The following PIBF1 variants were observed in gnomAD, a reference collection of about 807,000 sequenced individuals.
PIBF1 encodes the protein progesterone immunomodulatory binding factor 1.
A neutral mutation model predicts 112.5 loss-of-function variants in PIBF1; 90 were observed. The observed-to-expected ratio is 0.80, with a 90% CI of 0.67 to 0.95. PIBF1 has a LOEUF of 0.95. Ranked by LOEUF, PIBF1 falls within the 40% of genes least tolerant of loss-of-function variation. The probability of loss-of-function intolerance (pLI) is 0.00; values close to 1 mark genes in which losing one functional copy is unlikely to be tolerated. For synonymous variants in PIBF1, 301 were observed against 288.6 expected, an observed-to-expected ratio of 1.04 and a Z score of -0.44; for missense variants, 915 against 852.3, an observed-to-expected ratio of 1.07 and a Z score of -0.92.
chr13:72,820,075 CATT>C, intron 5 of PIBF1, among the ~76,000 whole-genome samples: 1 of 152,088 alleles, frequency 6.6e-6, no homozygotes, highest in East Asian at 1.9e-4. Context: ...AAAGAGGAAG[CATT>C]ATAACAATAT....
chr13:72,826,966 G>T, intron 6 of PIBF1, 44 bp from the exon 7 acceptor site: 1 of 1,176,270 alleles, frequency 8.5e-7, no homozygotes, highest in Non-Finnish European at 1.2e-6. Context: ...CGCTGTACAA[G>T]GGGATGTAAA....
intron 12 of PIBF1, among the ~76,000 whole-genome samples, chr13:72,908,972 G>A (rs1468290830): frequency 2.6e-5 from 4 of 151,794 alleles, no homozygotes; most frequent in African/African-American, 7.3e-5. Flanking sequence ...GCTTGAACCC[G>A]GAAGGCAGAG....
At chr13:72,891,869 G>A (rs919157954) in intron 10 of PIBF1, among the ~76,000 whole-genome samples, 4 of 152,000 alleles carry the variant, frequency 2.6e-5, no homozygotes, top group Non-Finnish European at 4.4e-5. Context: ...AATGTTATTC[G>A]GTTATAAAAA....
At chr13:72,973,839 T>A (rs1325712354) in intron 16 of PIBF1, 164 bp downstream of exon 16, 3 of 533,854 alleles carry the variant, frequency 5.6e-6, no homozygotes, top group East Asian at 6.5e-5. Flanking sequence ...GATATACTTC[T>A]TAGAGTTAAT....
intron 11 of PIBF1, among the ~76,000 whole-genome samples, chr13:72,897,404 A>C (rs997578104): frequency 2.0e-5 from 3 of 152,178 alleles, no homozygotes; most frequent in East Asian, 1.9e-4. Flanking sequence ...AAAATCAAAA[A>C]CAACAACAAA....
intron 10 of PIBF1, among the ~76,000 whole-genome samples, chr13:72,888,939 C>A (rs758249950): frequency 6.6e-6 from 1 of 152,042 alleles, no homozygotes; most frequent in Non-Finnish European, 1.5e-5. Flanking sequence ...GTGACCCACA[C>A]CTGTAATCCC....
At chr13:72,947,393 A>G (rs1231617493) in intron 14 of PIBF1, among the ~76,000 whole-genome samples, 1 of 152,092 alleles carries the variant, frequency 6.6e-6, no homozygotes, top group Non-Finnish European at 1.5e-5. Flanking sequence ...TTTCTCTCCT[A>G]GGGCTCCAGG....
At chr13:72,904,429 A>ATTTTTTTT (rs1240090172) in intron 11 of PIBF1, among the ~76,000 whole-genome samples, 10 of 51,112 alleles carry the variant, frequency 2.0e-4, no homozygotes, top group Admixed American at 1.0e-3. Context: ...ATATCAAAAT[A>ATTTTTTTT]TTTCTTTTTT....
intron 8 of PIBF1, among the ~76,000 whole-genome samples, chr13:72,834,535 G>A (rs1451711509): frequency 6.6e-6 from 1 of 152,120 alleles, no homozygotes; most frequent in East Asian, 1.9e-4. Context: ...GCTGGGGCAG[G>A]AAGATGGCTT....
intron 2 of PIBF1, among the ~76,000 whole-genome samples, chr13:72,790,594 A>G (rs1369415293): frequency 6.6e-6 from 1 of 152,082 alleles, no homozygotes. Context: ...ACCTAAAGCC[A>G]TGGGATTGTA....
intron 5 of PIBF1, among the ~76,000 whole-genome samples, chr13:72,806,417 A>AAC (rs2035736833): frequency 6.6e-6 from 1 of 151,890 alleles, no homozygotes; most frequent in African/African-American, 2.4e-5. Flanking sequence ...GTACATAGGC[A>AAC]CAACGTGCAG....
chr13:72,795,320 A>G (rs779900159), intron 3 of PIBF1, 39 bp from the exon 4 acceptor site: 9 of 1,264,826 alleles, frequency 7.1e-6, no homozygotes, highest in Non-Finnish European at 6.8e-6. Context: ...GATCTCAAAT[A>G]CTTTTTTAAA....
intron 10 of PIBF1, among the ~76,000 whole-genome samples, chr13:72,892,660 A>T (rs1347514070): frequency 2.0e-5 from 3 of 152,030 alleles, no homozygotes; most frequent in Non-Finnish European, 4.4e-5. Context: ...TACCTAGTAG[A>T]TCCGTTATAA....
At chr13:72,950,440 C>T (rs1215197918) in intron 14 of PIBF1, among the ~76,000 whole-genome samples, 3 of 152,180 alleles carry the variant, frequency 2.0e-5, no homozygotes, top group Non-Finnish European at 4.4e-5. Context: ...TTACATAGTT[C>T]TTGAGGAACT....
chr13:72,990,320 G>T (rs373164143), intron 16 of PIBF1, among the ~76,000 whole-genome samples: 6 of 151,028 alleles, frequency 4.0e-5, no homozygotes, highest in African/African-American at 1.2e-4. Context: ...AGGAGTTCGA[G>T]ACCAGCCTGG....
chr13:72,930,775 AT>A (rs2041672982), intron 13 of PIBF1, among the ~76,000 whole-genome samples: 1 of 152,172 alleles, frequency 6.6e-6, no homozygotes, highest in Non-Finnish European at 1.5e-5. Flanking sequence ...TAAGCTAATT[AT>A]TGTTTGTAAT....
intron 17 of PIBF1, among the ~76,000 whole-genome samples, chr13:73,011,858 C>T (rs921711324): frequency 6.6e-6 from 1 of 152,116 alleles, no homozygotes; most frequent in Non-Finnish European, 1.5e-5. Context: ...GCATCAGAAC[C>T]AGAGTCAATT....
chr13:72,989,014 G>A (rs1489999222), intron 16 of PIBF1, among the ~76,000 whole-genome samples: 2 of 152,028 alleles, frequency 1.3e-5, no homozygotes, highest in Non-Finnish European at 2.9e-5. Context: ...CTCCAGCCTG[G>A]GTGACAGAGT....
intron 8 of PIBF1, among the ~76,000 whole-genome samples, chr13:72,832,470 A>G (rs1049340882): frequency 3.3e-5 from 5 of 152,132 alleles, no homozygotes; most frequent in African/African-American, 1.2e-4. Context: ...GTTGGTGACA[A>G]AATCTCTCAG....
Sources: allele counts gnomAD v4.1 joint callset (sites outside exome capture counted in the v4.1 genomes callset), GRCh38; gene constraint gnomAD v4.1.1; transcripts MANE v1.5; gene names NCBI Gene and HGNC (gene_info 2026-07-23, HGNC 2026-07-21).